The following PTPN9 variants were observed in gnomAD, a reference collection of about 807,000 sequenced individuals.
The protein encoded by PTPN9 is tyrosine-protein phosphatase non-receptor type 9.
PTPN9 carries 26 observed loss-of-function variants against 69.8 expected under a neutral mutation model. That is an observed-to-expected ratio of 0.37 (90% CI 0.27 to 0.52). The LOEUF is 0.52. PTPN9 is among the 20% of genes least tolerant of loss of function. The probability of loss-of-function intolerance (pLI) is 0.91; values close to 1 mark genes in which losing one functional copy is unlikely to be tolerated. For synonymous variants in PTPN9, 274 were observed against 272.5 expected (o/e 1.01, Z -0.05); for missense variants, 549 against 740.3 (o/e 0.74, Z 3.00).
At chr15:75,485,075 C>G (rs1262303985) in intron 8 of PTPN9, among the ~76,000 whole-genome samples, 3 of 152,088 alleles carry the variant, frequency 2.0e-5, no homozygotes, top group Non-Finnish European at 4.4e-5. Flanking sequence ...ACTGTCCTAC[C>G]CTGACTCAGA....
chr15:75,479,080 G>A (rs552691938), intron 9 of PTPN9, among the ~76,000 whole-genome samples: 21 of 152,272 alleles, frequency 1.4e-4, no homozygotes, highest in East Asian at 5.8e-4. Context: ...AGGCCGAAGC[G>A]GGCAGATCAC....
At chr15:75,479,317 A>C (rs944030630) in intron 9 of PTPN9, among the ~76,000 whole-genome samples, 1 of 152,194 alleles carries the variant, frequency 6.6e-6, no homozygotes, top group African/African-American at 2.4e-5. Context: ...AAAGGAGAAA[A>C]AAAAATGAGA....
At chr15:75,514,048 G>A (rs1412731676) in intron 5 of PTPN9, among the ~76,000 whole-genome samples, 9 of 145,070 alleles carry the variant, frequency 6.2e-5, no homozygotes, top group Non-Finnish European at 1.0e-4. Context: ...GCAGTGAGCC[G>A]AGATAGCACC....
intron 1 of PTPN9, among the ~76,000 whole-genome samples, chr15:75,541,608 G>A (rs1032044754): frequency 5.9e-5 from 9 of 151,554 alleles, no homozygotes; most frequent in East Asian, 2.0e-4. Context: ...GGATTTCACC[G>A]TGTTAGCCAG....
intron 1 of PTPN9, among the ~76,000 whole-genome samples, chr15:75,558,304 G>A (rs2075086214): frequency 6.6e-6 from 1 of 151,186 alleles, no homozygotes; most frequent in Non-Finnish European, 1.5e-5. Context: ...CTCCAGCCTG[G>A]CAACAGAGTG....
intron 7 of PTPN9, among the ~76,000 whole-genome samples, chr15:75,494,027 A>G (rs904413534): frequency 4.0e-5 from 6 of 151,716 alleles, no homozygotes; most frequent in Non-Finnish European, 8.8e-5. Context: ...TTCTGTACTC[A>G]CTAAGTATAT....
At chr15:75,529,391 G>A (rs530871306) in intron 1 of PTPN9, among the ~76,000 whole-genome samples, 146 of 152,182 alleles carry the variant, frequency 9.6e-4, no homozygotes, top group African/African-American at 3.2e-3. Flanking sequence ...GCAATATGAC[G>A]AACCTGATGA....
At chr15:75,561,394 T>C (rs569854231) in intron 1 of PTPN9, among the ~76,000 whole-genome samples, 2 of 151,638 alleles carry the variant, frequency 1.3e-5, no homozygotes, top group African/African-American at 2.4e-5. Context: ...TTGACCCAAG[T>C]TGAAAAAAAA....
chr15:75,478,230 C>T (rs1397252958), intron 9 of PTPN9, among the ~76,000 whole-genome samples: 2 of 152,222 alleles, frequency 1.3e-5, no homozygotes, highest in East Asian at 1.9e-4. Flanking sequence ...CTCAGCCTCC[C>T]AAGTAGCTGG....
chr15:75,477,833 CTTTTTTTTTTTT>C (rs1196645006), intron 9 of PTPN9, among the ~76,000 whole-genome samples: 3 of 91,798 alleles, frequency 3.3e-5, no homozygotes, highest in Admixed American at 1.4e-4. Context: ...ATCAGATACT[CTTTTTTTTTTTT>C]TTTTTTTTTT....
At chr15:75,567,874 T>C (rs2075132998) in intron 1 of PTPN9, among the ~76,000 whole-genome samples, 5 of 151,940 alleles carry the variant, frequency 3.3e-5, no homozygotes, top group African/African-American at 1.2e-4. Flanking sequence ...CAGGCGCCTG[T>C]AGTCCCAGCT....
intron 6 of PTPN9, among the ~76,000 whole-genome samples, chr15:75,507,716 G>C (rs547365538): frequency 6.6e-6 from 1 of 151,280 alleles, no homozygotes; most frequent in East Asian, 1.9e-4. Context: ...GCAGTGAGCC[G>C]AGATCGCTTC....
At chr15:75,560,061 A>AT (rs1432673651) in intron 1 of PTPN9, among the ~76,000 whole-genome samples, 1 of 151,838 alleles carries the variant, frequency 6.6e-6, no homozygotes, top group African/African-American at 2.4e-5. Flanking sequence ...AATTGCTTGA[A>AT]TCTGGGAGGC....
chr15:75,470,051 A>G (rs775675711), intron 11 of PTPN9, 52 bp from the exon 12 acceptor site: 1 of 1,500,732 alleles, frequency 6.7e-7, no homozygotes, highest in Non-Finnish European at 9.2e-7. Context: ...GCCTGCCCCT[A>G]GCTACCTCTG....
rs1295394853 is a variant in PTPN9 at position 75,465,198 on chromosome 15, G to A, written c.*3571C>T. On this transcript the variant is annotated 3_prime_UTR_variant, in exon 13 of 13. Transcript: ENST00000618819. ...GGCTCATTGCAACCTCTGCCTCCCA[G>A]ATTCAAGTGATTCTCCCATTTCAGC... 1 of 152,064 alleles carries A rather than the reference G, an allele frequency of 6.6e-6. No individual in the cohort carries two copies. Among genetic ancestry groups the A allele is most frequent in the African/African-American group, 2.4e-5 (1 of 41,374 alleles). The allele number at this position is 152,064 out of a possible 1,614,324, so 9.4% of individuals were successfully genotyped here.
At chr15:75,546,382 G>A (rs1380654944) in intron 1 of PTPN9, among the ~76,000 whole-genome samples, 1 of 152,134 alleles carries the variant, frequency 6.6e-6, no homozygotes, top group Non-Finnish European at 1.5e-5. Context: ...AGTGCCTCAC[G>A]CCTGTAATCC....
rs534176146 is a variant in PTPN9 at position 75,527,278 on chromosome 15, G to T, written c.64-17C>A. Reference sequence around the variant, plus strand: ...CTTGGTAGCCTGTTTGACAAAGAAAGAAAGAATAATTAGTAAGAAGAGAGC... The same window carrying T: ...CTTGGTAGCCTGTTTGACAAAGAAATAAAGAATAATTAGTAAGAAGAGAGC... On this transcript the variant is annotated splice_polypyrimidine_tract_variant and intron_variant, in intron 1 of 12. Transcript: ENST00000618819. 17 of 1,612,990 alleles carry T rather than the reference G, an allele frequency of 1.1e-5. No individual in the cohort carries two copies. In the East Asian group the frequency reaches 2.2e-4, roughly 21 times the overall value.
chr15:75,506,819 G>A (rs1049718387), intron 6 of PTPN9, among the ~76,000 whole-genome samples: 8 of 151,844 alleles, frequency 5.3e-5, no homozygotes, highest in East Asian at 1.9e-4. Context: ...TTTTGCTGTC[G>A]CCTCTTCTTG....
intron 7 of PTPN9, among the ~76,000 whole-genome samples, chr15:75,503,273 C>T (rs1300853450): frequency 6.9e-6 from 1 of 144,852 alleles, no homozygotes; most frequent in African/African-American, 2.7e-5. Flanking sequence ...ATGTGGGGAG[C>T]GCCTCTGCCC....
Sources: allele counts gnomAD v4.1 joint callset (sites outside exome capture counted in the v4.1 genomes callset), GRCh38; gene constraint gnomAD v4.1.1; transcripts MANE v1.5; gene names NCBI Gene and HGNC (gene_info 2026-07-23, HGNC 2026-07-21).